FAM184B: variants seen among roughly 807,000 people sequenced by gnomAD.
FAM184B encodes the protein family with sequence similarity 184 member B, also known as protein FAM184B.
Under a neutral mutation model 135.9 loss-of-function variants are expected in FAM184B, and 111 were observed. The ratio of observed to expected loss-of-function variants is 0.82; its 90% CI spans 0.70 to 0.96. The LOEUF (loss-of-function observed/expected upper bound fraction) is 0.96, where lower values mean the gene tolerates loss of function less well. Ranked by LOEUF, FAM184B falls within the 40% of genes least tolerant of loss-of-function variation. The pLI, the probability that FAM184B is intolerant of heterozygous loss-of-function variation, is 0.00. For synonymous variants in FAM184B, 552 were observed against 524.8 expected (o/e 1.05, Z -0.71); for missense variants, 1,375 against 1,323.9 (o/e 1.04, Z -0.60).
At chr4:17,694,907 T>A (rs1716816785) in intron 5 of FAM184B, among the ~76,000 whole-genome samples, 1 of 152,094 alleles carries the variant, frequency 6.6e-6, no homozygotes, top group Admixed American at 6.6e-5. Context: ...GCCAGAGAAG[T>A]GCTCCAGAAA....
intron 1 of FAM184B, among the ~76,000 whole-genome samples, chr4:17,746,407 A>G (rs1442420456): frequency 6.6e-6 from 1 of 152,120 alleles, no homozygotes; most frequent in African/African-American, 2.4e-5. Context: ...TTCAGCATAC[A>G]GAAGAGTCCC....
intron 1 of FAM184B, among the ~76,000 whole-genome samples, chr4:17,712,837 G>A (rs1283311280): frequency 6.6e-6 from 1 of 152,210 alleles, no homozygotes; most frequent in Non-Finnish European, 1.5e-5. Context: ...CGGGAATAGT[G>A]TATGAGAGGA....
At chr4:17,639,421 G>A in intron 13 of FAM184B, 25 bp from the exon 14 acceptor site, 2 of 1,549,982 alleles carry the variant, frequency 1.3e-6, no homozygotes, top group Non-Finnish European at 1.7e-6. Flanking sequence ...AGCACAGCCA[G>A]GCTTGCCCAG....
At chr4:17,762,682 T>G (rs908045526) in intron 1 of FAM184B, among the ~76,000 whole-genome samples, 8 of 151,964 alleles carry the variant, frequency 5.3e-5, no homozygotes, top group Admixed American at 4.6e-4. Flanking sequence ...GCGACAGGAG[T>G]GAGTGACTAT....
chr4:17,716,684 G>A (rs1717406179), intron 1 of FAM184B, among the ~76,000 whole-genome samples: 1 of 151,966 alleles, frequency 6.6e-6, no homozygotes, highest in South Asian at 2.1e-4. Context: ...CTTAACATCT[G>A]TCCTTTTACA....
chr4:17,765,109 G>A (rs527850023), intron 1 of FAM184B, among the ~76,000 whole-genome samples: 40 of 152,248 alleles, frequency 2.6e-4, no homozygotes, highest in African/African-American at 7.5e-4. Flanking sequence ...TTGAAACTAC[G>A]AGTGTTGCTC....
intron 1 of FAM184B, among the ~76,000 whole-genome samples, chr4:17,772,169 G>T (rs529044840): frequency 1.2e-4 from 18 of 152,256 alleles, no homozygotes; most frequent in Non-Finnish European, 5.9e-5. Context: ...AGGGTGAAAA[G>T]TTGCCCTCTA....
intron 1 of FAM184B, among the ~76,000 whole-genome samples, chr4:17,713,770 G>T (rs140410306): frequency 6.6e-6 from 1 of 152,156 alleles, no homozygotes; most frequent in Non-Finnish European, 1.5e-5. Flanking sequence ...ATTCATTCGC[G>T]GATTCACTGC....
At chr4:17,708,476 C>T (rs1180972718) in intron 2 of FAM184B, among the ~76,000 whole-genome samples, 1 of 151,246 alleles carries the variant, frequency 6.6e-6, no homozygotes, top group Admixed American at 6.6e-5. Context: ...GAGATCCTGT[C>T]TGTACTAAAA....
intron 2 of FAM184B, 70 bp from the exon 3 acceptor site, chr4:17,707,854 T>G: frequency 6.6e-7 from 1 of 1,522,430 alleles, no homozygotes; most frequent in Non-Finnish European, 8.9e-7. Context: ...GTACACAGAA[T>G]AGCCATCAGA....
intron 1 of FAM184B, among the ~76,000 whole-genome samples, chr4:17,761,117 G>C (rs371936388): frequency 7.9e-5 from 12 of 152,322 alleles, no homozygotes; most frequent in East Asian, 5.8e-4. Flanking sequence ...AACGTCAGTA[G>C]TGTCCAGGGT....
At chr4:17,665,945 C>T (rs1022280326) in intron 7 of FAM184B, among the ~76,000 whole-genome samples, 2 of 151,414 alleles carry the variant, frequency 1.3e-5, no homozygotes, top group Non-Finnish European at 2.9e-5. Flanking sequence ...GCCTCCTCCT[C>T]TCCTGCTTCT....
At chr4:17,780,897 C>T (rs1719019990) in intron 1 of FAM184B, among the ~76,000 whole-genome samples, 1 of 152,166 alleles carries the variant, frequency 6.6e-6, no homozygotes, top group Admixed American at 6.5e-5. Context: ...CACATTCCCA[C>T]CTTGGAAAAG....
intron 1 of FAM184B, 106 bp from the exon 2 acceptor site, chr4:17,709,750 G>A: frequency 9.5e-7 from 1 of 1,051,282 alleles, no homozygotes; most frequent in Non-Finnish European, 1.3e-6. Flanking sequence ...CTGCACAAGT[G>A]GCACCTGAGA....
chr4:17,633,995 AAGC>A, intron 16 of FAM184B, 107 bp from the exon 17 acceptor site: 2 of 891,990 alleles, frequency 2.2e-6, no homozygotes, highest in Non-Finnish European at 3.1e-6. Flanking sequence ...ATCGGAGAAG[AAGC>A]AACAATTTCA....
intron 5 of FAM184B, 40 bp downstream of exon 5, chr4:17,704,960 A>T: frequency 6.6e-7 from 1 of 1,514,856 alleles, no homozygotes; most frequent in Non-Finnish European, 8.9e-7. Flanking sequence ...TGGGAGAAAG[A>T]AAAAAGAACC....
chr4:17,642,490 A>T (rs761666925), intron 12 of FAM184B, among the ~76,000 whole-genome samples: 36 of 152,140 alleles, frequency 2.4e-4, no homozygotes, highest in Admixed American at 4.6e-4. Flanking sequence ...AATGAACACC[A>T]ACCACACTCC....
chr4:17,727,584 C>T (rs911089689), intron 1 of FAM184B, among the ~76,000 whole-genome samples: 1 of 152,186 alleles, frequency 6.6e-6, no homozygotes, highest in Non-Finnish European at 1.5e-5. Flanking sequence ...AACTTCTTCA[C>T]AAGGTGGCAG....
intron 10 of FAM184B, among the ~76,000 whole-genome samples, chr4:17,657,912 C>T (rs1229407208): frequency 6.6e-6 from 1 of 152,174 alleles, no homozygotes; most frequent in Non-Finnish European, 1.5e-5. Flanking sequence ...CCACCTCCAC[C>T]TCCCAAAGTG....
Sources: gnomAD v4.1 joint callset for allele counts (sites outside exome capture counted in the v4.1 genomes callset) on GRCh38, gnomAD v4.1.1 for gene constraint, MANE v1.5 for transcripts, NCBI Gene and HGNC (gene_info 2026-07-23, HGNC 2026-07-21) for gene names.